Variants in RAD51 observed in about 807,000 individuals in gnomAD.
RAD51 encodes the protein DNA repair protein RAD51 homolog 1.
In RAD51, 14 loss-of-function variants were observed where a neutral mutation model predicts 41.5. The ratio of observed to expected loss-of-function variants is 0.34; its 90% confidence interval spans 0.22 to 0.53. The LOEUF is 0.53. RAD51 is among the 20% of genes least tolerant of loss of function. The probability of loss-of-function intolerance (pLI) is 0.95; values close to 1 mark genes in which losing one functional copy is unlikely to be tolerated. For synonymous variants in RAD51, 136 were observed against 148.6 expected (o/e 0.92, Z 0.62); for missense variants, 234 against 422.0 (o/e 0.55, Z 3.90).
At chr15:40,701,815 C>T (rs1473605914) in intron 3 of RAD51, 37 of 221,888 alleles carry the variant, frequency 1.7e-4, no homozygotes, top group Non-Finnish European at 2.3e-4. Context: ...GACGGAGTCT[C>T]GCTCTGTTGC....
intron 6 of RAD51, among the ~76,000 whole-genome samples, chr15:40,724,547 C>G (rs1445008700): frequency 6.6e-6 from 1 of 151,970 alleles, no homozygotes; most frequent in South Asian, 2.1e-4. Context: ...ACTCTGCCCC[C>G]ACTAGAATGC....
chr15:40,706,458 A>T (rs1358607425), intron 4 of RAD51, among the ~76,000 whole-genome samples, 164 bp downstream of exon 4: 1 of 152,222 alleles, frequency 6.6e-6, no homozygotes, highest in Non-Finnish European at 1.5e-5. Flanking sequence ...GCACTTTGGG[A>T]GGCTGAGGTG....
Position 40,729,856 on chromosome 15 carries a change from G to C in RAD51, c.778G>C (p.Gly260Arg). 6.2e-7 allele frequency: 1 copy of C among 1,614,186 alleles called. No homozygotes were observed. Among genetic ancestry groups the C allele is most frequent in the Non-Finnish European group, 8.5e-7 (1 of 1,180,044 alleles). ...RMLLRLADEF[G>R]VAVVITNQVV... ...ACATTTATCCTTTCCCCATCAGTTT[G>C]GTGTAGCAGTGGTAATCACTAATCA... The change falls in exon 9 of 10, where the codon GGT becomes CGT. Residue 260 changes from glycine (G) to arginine (R), a missense_variant. By Grantham distance (125) the Gly-to-Arg change is moderately radical. Coordinates refer to ENST00000267868, the MANE Select transcript of RAD51 (RefSeq NM_002875.5).
chr15:40,716,475 T>C (rs181410818), intron 5 of RAD51, among the ~76,000 whole-genome samples: 3 of 151,860 alleles, frequency 2.0e-5, no homozygotes, highest in Admixed American at 2.0e-4. Context: ...AAGTGATTCT[T>C]GTGCCCCAGC....
intron 3 of RAD51, among the ~76,000 whole-genome samples, chr15:40,705,097 A>G (rs1319621808): frequency 3.3e-5 from 5 of 152,190 alleles, no homozygotes; most frequent in Non-Finnish European, 7.3e-5. Flanking sequence ...GGTGTGATTC[A>G]CCACACCCAG....
intron 4 of RAD51, among the ~76,000 whole-genome samples, chr15:40,707,941 G>A (rs1895456896): frequency 6.7e-6 from 1 of 148,880 alleles, no homozygotes; most frequent in Non-Finnish European, 1.5e-5. Flanking sequence ...TGGTCTCAAA[G>A]TCCTGACCTC....
chr15:40,702,077 C>G (rs1269147952), intron 3 of RAD51, among the ~76,000 whole-genome samples: 1 of 151,828 alleles, frequency 6.6e-6, no homozygotes, highest in Admixed American at 6.6e-5. Context: ...CCACCGCGCC[C>G]CACCGCAAAT....
At chr15:40,698,621 A>T (rs1894799096) in intron 1 of RAD51, 136 bp from the exon 2 acceptor site, 1 of 780,728 alleles carries the variant, frequency 1.3e-6, no homozygotes, top group Non-Finnish European at 2.2e-6. Context: ...AAAGCAGGAG[A>T]ACAGAGAGGC....
At chr15:40,722,949 A>G (rs911820784) in intron 6 of RAD51, among the ~76,000 whole-genome samples, 3 of 152,220 alleles carry the variant, frequency 2.0e-5, no homozygotes, top group African/African-American at 4.8e-5. Context: ...ATATTTGCAA[A>G]TTACGTATCT....
intron 5 of RAD51, among the ~76,000 whole-genome samples, chr15:40,718,098 C>T (rs1306545212): frequency 6.6e-6 from 1 of 151,820 alleles, no homozygotes; most frequent in Non-Finnish European, 1.5e-5. Context: ...GTGGTGCACA[C>T]CTATGGTCTC....
At chr15:40,729,114 T>G (rs1896735833) in intron 7 of RAD51, among the ~76,000 whole-genome samples, 1 of 152,154 alleles carries the variant, frequency 6.6e-6, no homozygotes, top group African/African-American at 2.4e-5. Flanking sequence ...GGCTCAAGCC[T>G]GTAATCCCAG....
chr15:40,727,908 G>C (rs1032511076), intron 6 of RAD51, among the ~76,000 whole-genome samples: 1 of 140,756 alleles, frequency 7.1e-6, no homozygotes, highest in African/African-American at 2.7e-5. Context: ...CACCCAGTCT[G>C]GTGTGCAATG....
chr15:40,695,236 G>C lies in RAD51; in HGVS notation c.-192G>C, dbSNP rs1894537581. ...AGAGACCGAGCCCTAAGGAGAGTGCGGCGCTTCCCGAGGCGTGCAGCTGGG... is the reference window on the plus strand; with the variant it reads ...AGAGACCGAGCCCTAAGGAGAGTGCCGCGCTTCCCGAGGCGTGCAGCTGGG... On this transcript the variant is annotated 5_prime_UTR_variant, in exon 1 of 10. Coordinates refer to ENST00000267868, the MANE Select transcript of RAD51 (RefSeq NM_002875.5). 1 of 152,360 alleles carries C rather than the reference G, an allele frequency of 6.6e-6. No homozygotes were observed. 9.4% of individuals were successfully genotyped at this position (152,360 alleles called of 1,614,324 possible).
At chr15:40,698,196 G>GT (rs554059347) in intron 1 of RAD51, among the ~76,000 whole-genome samples, 535 of 128,362 alleles carry the variant, frequency 4.2e-3, no homozygotes, top group African/African-American at 0.011. Flanking sequence ...TTTTTTTTTT[G>GT]TTTTTTTTTT....
intron 5 of RAD51, among the ~76,000 whole-genome samples, chr15:40,716,048 G>A (rs1047595950): frequency 2.6e-5 from 4 of 152,170 alleles, no homozygotes; most frequent in African/African-American, 9.6e-5. Flanking sequence ...AAATAGTAAC[G>A]TAATTTTTCC....
intron 2 of RAD51, 54 bp from the exon 3 acceptor site, chr15:40,701,010 T>C: frequency 6.4e-7 from 1 of 1,558,858 alleles, no homozygotes; most frequent in East Asian, 2.5e-5. Flanking sequence ...ATAACATCTG[T>C]GTTAGATTAG....
At chr15:40,729,135 G>A (rs888203457) in intron 7 of RAD51, among the ~76,000 whole-genome samples, 4 of 152,104 alleles carry the variant, frequency 2.6e-5, no homozygotes, top group African/African-American at 9.7e-5. Flanking sequence ...CACTTTGGGA[G>A]GCCAAGGCGG....
intron 5 of RAD51, among the ~76,000 whole-genome samples, chr15:40,714,008 T>TTTTTA (rs1339299124): frequency 6.7e-6 from 1 of 149,656 alleles, no homozygotes; most frequent in Non-Finnish European, 1.5e-5. Context: ...TTTTTTTTTT[T>TTTTTA]TTTTGAGATT....
chr15:40,701,040 A>T, intron 2 of RAD51, 24 bp from the exon 3 acceptor site: 1 of 1,611,980 alleles, frequency 6.2e-7, no homozygotes, highest in Non-Finnish European at 8.5e-7. Context: ...GCTTAAATTT[A>T]TCCATGGTTT....
Sources: gnomAD v4.1 joint callset for allele counts (sites outside exome capture counted in the v4.1 genomes callset) on GRCh38, gnomAD v4.1.1 for gene constraint, MANE v1.5 for transcripts, NCBI Gene and HGNC (gene_info 2026-07-23, HGNC 2026-07-21) for gene names.